SLC8A1: variants seen among roughly 807,000 people sequenced by gnomAD.
SLC8A1 encodes solute carrier family 8 member A1, also known as sodium/calcium exchanger 1.
SLC8A1 carries 18 observed loss-of-function variants against 68.3 expected under a neutral mutation model. The observed-to-expected ratio is 0.26, with a 90% CI of 0.18 to 0.39. The LOEUF (loss-of-function observed/expected upper bound fraction) is 0.39, where lower values mean the gene tolerates loss of function less well. Ranked by LOEUF, SLC8A1 falls within the 10% of genes least tolerant of loss-of-function variation. The probability of loss-of-function intolerance (pLI) is 1.00; values close to 1 mark genes in which losing one functional copy is unlikely to be tolerated. For missense variants in SLC8A1, 985 were observed against 1,156.7 expected (o/e 0.85, Z 2.15); for synonymous variants, 475 against 415.5 (o/e 1.14, Z -1.74).
intron 7 of SLC8A1, among the ~76,000 whole-genome samples, chr2:40,134,284 G>A (rs2040062554): frequency 6.6e-6 from 1 of 151,962 alleles, no homozygotes; most frequent in African/African-American, 2.4e-5. Flanking sequence ...TAGAGACAGG[G>A]TTTCAGCATG....
At chr2:40,508,157 T>C (rs1019381297) in intron 1 of SLC8A1, among the ~76,000 whole-genome samples, 1 of 152,020 alleles carries the variant, frequency 6.6e-6, no homozygotes, top group Non-Finnish European at 1.5e-5. Flanking sequence ...GATTATTGTG[T>C]ATTATTATTT....
chr2:40,451,736 A>ACAC (rs1559735616), intron 1 of SLC8A1, among the ~76,000 whole-genome samples, 168 bp downstream of exon 1: 1 of 46,414 alleles, frequency 2.2e-5, no homozygotes, highest in African/African-American at 7.7e-5. Flanking sequence ...CACACACCAC[A>ACAC]TCACACACAC....
intron 1 of SLC8A1, among the ~76,000 whole-genome samples, chr2:40,509,437 ATTTTT>A (rs367549288): frequency 1.8e-4 from 21 of 113,728 alleles, no homozygotes; most frequent in African/African-American, 6.0e-4. Context: ...GGGATTTGGA[ATTTTT>A]TTTTTTTTTT....
chr2:40,333,341 G>C (rs780800632), intron 2 of SLC8A1, among the ~76,000 whole-genome samples: 1 of 151,646 alleles, frequency 6.6e-6, no homozygotes, highest in Non-Finnish European at 1.5e-5. Flanking sequence ...GGGAGGTTGA[G>C]GCAGGAGAAT....
At chr2:40,490,982 T>A (rs1705278255) in intron 1 of SLC8A1, among the ~76,000 whole-genome samples, 1 of 152,152 alleles carries the variant, frequency 6.6e-6, no homozygotes, top group African/African-American at 2.4e-5. Context: ...TCACTATACC[T>A]TCTATGGAAT....
intron 2 of SLC8A1, among the ~76,000 whole-genome samples, chr2:40,304,612 G>C (rs181271909): frequency 1.3e-5 from 2 of 152,166 alleles, no homozygotes; most frequent in Middle Eastern, 6.8e-3. Flanking sequence ...TTTTCAGCGC[G>C]GTTTGGCATC....
At chr2:40,327,638 A>C (rs1426702268) in intron 2 of SLC8A1, among the ~76,000 whole-genome samples, 2 of 152,328 alleles carry the variant, frequency 1.3e-5, no homozygotes, top group East Asian at 3.9e-4. Context: ...CATTATCTTC[A>C]GTGAATTAAT....
At chr2:40,371,354 G>A (rs1227072474) in intron 2 of SLC8A1, among the ~76,000 whole-genome samples, 1 of 152,038 alleles carries the variant, frequency 6.6e-6, no homozygotes, top group African/African-American at 2.4e-5. Context: ...GTAAGAAGGG[G>A]GAGAAAATGG....
chr2:40,318,492 G>T (rs1055577037), intron 2 of SLC8A1, among the ~76,000 whole-genome samples: 2 of 106,282 alleles, frequency 1.9e-5, no homozygotes, highest in Non-Finnish European at 3.4e-5. Flanking sequence ...CTATTTTACA[G>T]AAAAGAAAAA....
At chr2:40,368,616 A>G (rs779543015) in intron 2 of SLC8A1, among the ~76,000 whole-genome samples, 1 of 152,080 alleles carries the variant, frequency 6.6e-6, no homozygotes, top group African/African-American at 2.4e-5. Flanking sequence ...TTTAAGTTCA[A>G]GTGGTACAAG....
chr2:40,508,810 A>G (rs1340104984), intron 1 of SLC8A1, among the ~76,000 whole-genome samples: 1 of 152,176 alleles, frequency 6.6e-6, no homozygotes, highest in Non-Finnish European at 1.5e-5. Context: ...ACTGGCAACC[A>G]CTTTTCTTTA....
intron 4 of SLC8A1, among the ~76,000 whole-genome samples, chr2:40,167,640 A>T (rs993990522): frequency 2.6e-5 from 4 of 152,168 alleles, no homozygotes; most frequent in African/African-American, 9.7e-5. Context: ...TCTTAATTCC[A>T]CACTTTTATC....
chr2:40,333,437 C>CAAAAAAAAAAA (rs11392390), intron 2 of SLC8A1, among the ~76,000 whole-genome samples: 1 of 73,862 alleles, frequency 1.4e-5, no homozygotes, highest in African/African-American at 4.1e-5. Context: ...GACTCCGTCT[C>CAAAAAAAAAAA]AAAAAAAAAA....
intron 2 of SLC8A1, among the ~76,000 whole-genome samples, chr2:40,377,119 A>T (rs1680148296): frequency 6.7e-6 from 1 of 149,988 alleles, no homozygotes; most frequent in Non-Finnish European, 1.5e-5. Flanking sequence ...TTTGACTTTA[A>T]GTTACTCAAG....
At chr2:40,293,850 A>T (rs1021698738) in intron 2 of SLC8A1, among the ~76,000 whole-genome samples, 1 of 152,162 alleles carries the variant, frequency 6.6e-6, no homozygotes, top group African/African-American at 2.4e-5. Flanking sequence ...AAAACAAAAA[A>T]AATCAAACTT....
intron 2 of SLC8A1, among the ~76,000 whole-genome samples, chr2:40,226,286 AATGATCCAAGGCTC>A (rs2058966862): frequency 6.6e-6 from 1 of 152,148 alleles, no homozygotes; most frequent in African/African-American, 2.4e-5. Flanking sequence ...GTAATTACAT[AATGATCCAAGGCTC>A]AAGAGAGGCT....
intron 2 of SLC8A1, among the ~76,000 whole-genome samples, chr2:40,192,311 G>A (rs1331679812): frequency 6.6e-6 from 1 of 151,902 alleles, no homozygotes; most frequent in Non-Finnish European, 1.5e-5. Flanking sequence ...AGAGTTTTCT[G>A]TGTGAATGAA....
chr2:40,258,383 A>G (rs2149082736), intron 2 of SLC8A1, among the ~76,000 whole-genome samples: 1 of 152,304 alleles, frequency 6.6e-6, no homozygotes, highest in East Asian at 1.9e-4. Flanking sequence ...AAAGAAAGTA[A>G]CTGACATTCG....
intron 2 of SLC8A1, chr2:40,190,647 C>T (rs1013600637): frequency 1.3e-5 from 2 of 152,178 alleles, no homozygotes; most frequent in African/African-American, 4.8e-5. Context: ...TTCAATGGCT[C>T]ATGCAATGCA....
Sources: gnomAD v4.1 joint callset for allele counts (sites outside exome capture counted in the v4.1 genomes callset) on GRCh38, gnomAD v4.1.1 for gene constraint, MANE v1.5 for transcripts, NCBI Gene and HGNC (gene_info 2026-07-23, HGNC 2026-07-21) for gene names.